Variants in DNAH11 observed in about 807,000 individuals in gnomAD.
The protein encoded by DNAH11 is dynein axonemal heavy chain 11.
DNAH11 carries 442 observed loss-of-function variants against 526.0 expected under a neutral mutation model. That is an observed-to-expected ratio of 0.84 (90% CI 0.78 to 0.91). The LOEUF (loss-of-function observed/expected upper bound fraction) is 0.91. Ranked by LOEUF, DNAH11 falls within the 40% of genes least tolerant of loss-of-function variation. DNAH11 has a pLI of 0.00. For synonymous variants in DNAH11, 2,461 were observed against 1,935.9 expected (o/e 1.27, Z -7.12); for missense variants, 6,989 against 5,448.7 (o/e 1.28, Z -8.90).
At chr7:21,798,951 T>A (rs978866059) in intron 61 of DNAH11, among the ~76,000 whole-genome samples, 1 of 152,192 alleles carries the variant, frequency 6.6e-6, no homozygotes, top group African/African-American at 2.4e-5. Context: ...CAGTTTTAAC[T>A]TCTAATACCA....
At chr7:21,675,821 T>C (rs908547669) in intron 30 of DNAH11, among the ~76,000 whole-genome samples, 2 of 152,090 alleles carry the variant, frequency 1.3e-5, no homozygotes, top group African/African-American at 4.8e-5. Context: ...AAATACATGA[T>C]TGATAGGATA....
intron 54 of DNAH11, among the ~76,000 whole-genome samples, chr7:21,756,950 A>G (rs139342801): frequency 5.3e-5 from 8 of 152,244 alleles, no homozygotes; most frequent in African/African-American, 1.9e-4. Flanking sequence ...CATTTTACAC[A>G]TTTCTCATTA....
chr7:21,691,607 A>G (rs934927769), intron 35 of DNAH11, among the ~76,000 whole-genome samples: 7 of 152,144 alleles, frequency 4.6e-5, no homozygotes, highest in Non-Finnish European at 1.0e-4. Flanking sequence ...AGAAATAATG[A>G]TTGTTATGTT....
chr7:21,783,822 G>A (rs1032181770), intron 57 of DNAH11, among the ~76,000 whole-genome samples: 3 of 152,196 alleles, frequency 2.0e-5, no homozygotes, highest in Admixed American at 2.0e-4. Flanking sequence ...GAAGGCAGAT[G>A]TGGGCTCTTG....
At chr7:21,556,441 C>T (rs748056358) in intron 2 of DNAH11, among the ~76,000 whole-genome samples, 5 of 152,192 alleles carry the variant, frequency 3.3e-5, no homozygotes, top group Non-Finnish European at 5.9e-5. Flanking sequence ...TTAGAAAAAG[C>T]TGTTGATATC....
chr7:21,701,097 TAAA>T (rs1034032775), intron 36 of DNAH11, among the ~76,000 whole-genome samples: 17 of 151,628 alleles, frequency 1.1e-4, no homozygotes, highest in African/African-American at 3.9e-4. Flanking sequence ...TCCCGAAACT[TAAA>T]CAACAACAAC....
At chr7:21,789,174 T>A in intron 60 of DNAH11, 67 bp from the exon 61 acceptor site, 1 of 1,119,086 alleles carries the variant, frequency 8.9e-7, no homozygotes, top group Non-Finnish European at 1.3e-6. Flanking sequence ...TTGTAAAGCA[T>A]CCATCCTATC....
Position 21,748,747 on chromosome 7 carries a change from G to C in DNAH11, c.8673+5G>C. 3 of 1,612,842 alleles carry C rather than the reference G, an allele frequency of 1.9e-6. No individual in the cohort carries two copies. The highest frequency in any genetic ancestry group is 2.5e-6 in the Non-Finnish European group (3 of 1,179,260). ...TATGGAATCCAGGAACTTCGGGTGAGTCAAGGGGACAGGCAGTTCTTCTGA... is the reference window on the plus strand; with the variant it reads ...TATGGAATCCAGGAACTTCGGGTGACTCAAGGGGACAGGCAGTTCTTCTGA... On this transcript the variant is annotated splice_donor_5th_base_variant and intron_variant, in intron 52 of 81. Transcript: ENST00000409508.
At chr7:21,563,523 C>A (rs1048590655) in intron 5 of DNAH11, among the ~76,000 whole-genome samples, 8 of 152,048 alleles carry the variant, frequency 5.3e-5, no homozygotes, top group Non-Finnish European at 8.8e-5. Flanking sequence ...AAAATATTTA[C>A]CATGCTTAAC....
rs1583620962 is a variant in DNAH11 at position 21,715,381 on chromosome 7, A to G, written c.6984-2394A>G. On this transcript the variant is annotated intron_variant, in intron 42 of 81. Coordinates refer to ENST00000409508, the MANE Select transcript of DNAH11 (RefSeq NM_001277115.2). Reference sequence around the variant, plus strand: ...AACTGAGCTGCTGATAGGAGGACTCATTTGCAAATTCTGGAAAGCCACAAT... The same window carrying G: ...AACTGAGCTGCTGATAGGAGGACTCGTTTGCAAATTCTGGAAAGCCACAAT... 4.6e-5 allele frequency among the ~76,000 whole-genome samples: 7 copies of G among 152,316 alleles called. No individual in the cohort carries two copies. The South Asian group carries it at 1.2e-3, about 27-fold the overall frequency.
At position 21,738,670 on chromosome 7, in the gene DNAH11, A is replaced by G. The variant is rs1205557010; in HGVS notation, c.7646-31A>G. On this transcript the variant is annotated intron_variant, in intron 46 of 81. Coordinates refer to ENST00000409508, the MANE Select transcript of DNAH11 (RefSeq NM_001277115.2). The stretch of plus-strand genomic sequence containing the variant: ...CTAAATGAACATTTACATTCTGTTG[A>G]TGGGTGGACAGAAATATATGTTTAT... 3.9e-6 allele frequency: 6 copies of G among 1,530,256 alleles called. No individual in the cohort carries two copies. The Admixed American group carries it at 1.1e-4, about 28-fold the overall frequency. The allele number at this position is 1,530,256 out of a possible 1,614,324, so 94.8% of individuals were successfully genotyped here.
In DNAH11 at chr7:21,704,588, T is replaced by C; in HGVS notation, c.6428T>C (p.Leu2143Pro). The C allele has an allele frequency of 6.2e-7, 1 of 1,611,330 alleles. No homozygotes were observed. Among genetic ancestry groups the C allele is most frequent in the Non-Finnish European group, 8.5e-7 (1 of 1,179,104 alleles). ...GAACAGATGGTCAGGCAGTCTACCC[T>C]GGAGCTCCGCCTGCAGCCTGAAGAG... The part of the protein sequence containing the change: ...HFEQMVRQST[L>P]ELRLQPEESF... The change falls in exon 38 of 82, where the codon CTG (leucine) becomes CCG (proline). Residue 2143 changes from leucine (L) to proline (P), a missense_variant. Transcript: ENST00000409508.
At position 21,789,281 on chromosome 7, in the gene DNAH11, A is replaced by G. The variant is rs1193657850; in HGVS notation, c.9965A>G (p.Gln3322Arg). 1 of 1,578,510 alleles carries G rather than the reference A, an allele frequency of 6.3e-7. No homozygotes were observed. The highest frequency in any genetic ancestry group is 8.6e-7 in the Non-Finnish European group (1 of 1,161,624). ...DVEPKRQALA[Q>R]ANLELAAATE... ...GAGCCAAAACGCCAAGCATTAGCCC[A>G]AGCAAACTTAGAACTGGCTGCAGCT... is the stretch of plus-strand genomic sequence containing the variant. The change falls in exon 61 of 82, where the codon CAA (glutamine) becomes CGA (arginine). Residue 3322 changes from glutamine (Q) to arginine (R), a missense_variant. Transcript: ENST00000409508.
chr7:21,892,036 A>G (rs1244960199), intron 76 of DNAH11, among the ~76,000 whole-genome samples: 1 of 152,198 alleles, frequency 6.6e-6, no homozygotes, highest in Admixed American at 6.5e-5. Context: ...TCAAATGTCT[A>G]CCTCAGCAAA....
intron 44 of DNAH11, 127 bp downstream of exon 44, chr7:21,720,983 T>C (rs1451819044): frequency 1.6e-5 from 20 of 1,222,194 alleles, no homozygotes; most frequent in Non-Finnish European, 1.6e-5. Context: ...CCCTGTTCTC[T>C]CCTAAGTCTA....
chr7:21,572,463 C>A (rs553993235), intron 8 of DNAH11, among the ~76,000 whole-genome samples: 5 of 152,242 alleles, frequency 3.3e-5, no homozygotes, highest in African/African-American at 7.2e-5. Context: ...AAAGGGGGAA[C>A]CTTTCTGATT....
intron 68 of DNAH11, among the ~76,000 whole-genome samples, chr7:21,856,981 G>C (rs892924098): frequency 6.6e-6 from 1 of 152,116 alleles, no homozygotes; most frequent in Non-Finnish European, 1.5e-5. Context: ...GTTATAGTCG[G>C]TACAGTAAGA....
chr7:21,845,355 C>T (rs964140247), intron 66 of DNAH11, among the ~76,000 whole-genome samples: 5 of 151,942 alleles, frequency 3.3e-5, no homozygotes, highest in African/African-American at 9.7e-5. Flanking sequence ...TTACATTTAG[C>T]TCTGTTGTAT....
chr7:21,890,697 C>T (rs763375636), intron 76 of DNAH11, among the ~76,000 whole-genome samples: 1 of 152,062 alleles, frequency 6.6e-6, no homozygotes, highest in Non-Finnish European at 1.5e-5. Context: ...GTTTAACTCT[C>T]CTGTACCATT....
Sources: gnomAD v4.1 joint callset for allele counts (sites outside exome capture counted in the v4.1 genomes callset) on GRCh38, gnomAD v4.1.1 for gene constraint, MANE v1.5 for transcripts, NCBI Gene and HGNC (gene_info 2026-07-23, HGNC 2026-07-21) for gene names.